Variants in DHDDS observed in about 807,000 individuals in gnomAD.
DHDDS encodes dehydrodolichyl diphosphate synthase subunit, also known as dehydrodolichyl diphosphate synthase complex subunit DHDDS.
A neutral mutation model predicts 46.2 loss-of-function variants in DHDDS; 16 were observed. The ratio of observed to expected loss-of-function variants is 0.35; its 90% CI spans 0.23 to 0.53. The LOEUF (loss-of-function observed/expected upper bound fraction) is 0.53, where lower values mean the gene tolerates loss of function less well. DHDDS is among the 20% of genes least tolerant of loss of function. The pLI, the probability that DHDDS is intolerant of heterozygous loss-of-function variation, is 0.94. For synonymous variants in DHDDS, 151 were observed against 163.1 expected, an observed-to-expected ratio of 0.93 and a Z score of 0.56; for missense variants, 340 against 423.7, an observed-to-expected ratio of 0.80 and a Z score of 1.73.
At chr1:26,454,837 G>C (rs779206122) in intron 6 of DHDDS, 1 of 1,583,646 alleles carries the variant, frequency 6.3e-7, no homozygotes, top group Non-Finnish European at 8.6e-7. Flanking sequence ...TGTTCACTTG[G>C]ATATGCTCAA....
At chr1:26,455,862 C>T (rs1419065240) in intron 6 of DHDDS, among the ~76,000 whole-genome samples, 1 of 152,158 alleles carries the variant, frequency 6.6e-6, no homozygotes, top group Non-Finnish European at 1.5e-5. Flanking sequence ...AAACATGTTC[C>T]CACCAAGAAA....
chr1:26,452,403 T>C (rs932981656), intron 6 of DHDDS, among the ~76,000 whole-genome samples: 1 of 152,174 alleles, frequency 6.6e-6, no homozygotes. Context: ...GTCTGGAAAT[T>C]ATAGAAGAAG....
chr1:26,458,728 A>G (rs1327714115), intron 7 of DHDDS, among the ~76,000 whole-genome samples: 1 of 135,246 alleles, frequency 7.4e-6, no homozygotes, highest in African/African-American at 2.8e-5. Flanking sequence ...ACAGAGTGAG[A>G]CTCTGTCGCA....
intron 4 of DHDDS, among the ~76,000 whole-genome samples, chr1:26,445,530 T>C (rs777500089): frequency 1.3e-5 from 2 of 151,992 alleles, no homozygotes; most frequent in Non-Finnish European, 2.9e-5. Flanking sequence ...TTGGGCAACA[T>C]AGTGAGACCT....
chr1:26,443,383 G>A (rs2124408360), intron 4 of DHDDS, among the ~76,000 whole-genome samples: 1 of 152,262 alleles, frequency 6.6e-6, no homozygotes, highest in East Asian at 1.9e-4. Flanking sequence ...AAAAGTTACT[G>A]TACTCCCCCT....
intron 2 of DHDDS, among the ~76,000 whole-genome samples, chr1:26,435,561 C>T (rs1029007284): frequency 6.6e-6 from 1 of 150,554 alleles, no homozygotes; most frequent in Non-Finnish European, 1.5e-5. Context: ...CTTCAGCCTC[C>T]TAAGTAGCTG....
chr1:26,467,317 G>T (rs932924161), intron 8 of DHDDS: 1 of 471,408 alleles, frequency 2.1e-6, no homozygotes, highest in Admixed American at 2.3e-5. Context: ...CCTGACCAAG[G>T]CCTGGAAGAA....
intron 3 of DHDDS, 98 bp downstream of exon 3, chr1:26,438,382 T>C (rs559078406): frequency 9.3e-7 from 1 of 1,080,782 alleles, no homozygotes; most frequent in South Asian, 1.3e-5. Flanking sequence ...GGAGAGTGTT[T>C]TTTGTATCTG....
At chr1:26,467,522 A>G (rs764644150) in intron 8 of DHDDS, 3 of 347,972 alleles carry the variant, frequency 8.6e-6, no homozygotes, top group Non-Finnish European at 1.9e-5. Context: ...GCTGAGAGAC[A>G]GCAAATCAGT....
intron 6 of DHDDS, among the ~76,000 whole-genome samples, chr1:26,449,469 C>T (rs1233292807): frequency 2.0e-5 from 3 of 151,514 alleles, no homozygotes; most frequent in Non-Finnish European, 4.4e-5. Flanking sequence ...GGTGTGATCT[C>T]GGCCCACTGT....
At chr1:26,445,094 CCAAA>C (rs1401908509) in intron 4 of DHDDS, among the ~76,000 whole-genome samples, 2 of 152,284 alleles carry the variant, frequency 1.3e-5, no homozygotes, top group South Asian at 2.1e-4. Flanking sequence ...CATCAGCTGT[CCAAA>C]CAAATTACCT....
chr1:26,449,104 T>G (rs2075295754), intron 6 of DHDDS, among the ~76,000 whole-genome samples: 1 of 151,874 alleles, frequency 6.6e-6, no homozygotes, highest in African/African-American at 2.4e-5. Flanking sequence ...ATTTTTTATT[T>G]TATTTATTTT....
At chr1:26,452,855 T>C (rs1490350843) in intron 6 of DHDDS, among the ~76,000 whole-genome samples, 1 of 152,150 alleles carries the variant, frequency 6.6e-6, no homozygotes, top group Non-Finnish European at 1.5e-5. Flanking sequence ...TCCCAGGACT[T>C]TGGGAGGCTG....
intron 6 of DHDDS, among the ~76,000 whole-genome samples, chr1:26,453,928 T>C (rs2075344977): frequency 6.6e-6 from 1 of 151,766 alleles, no homozygotes; most frequent in South Asian, 2.1e-4. Flanking sequence ...ATTTTGTCAG[T>C]TTCATCTTTC....
chr1:26,450,769 A>T (rs770982913), intron 6 of DHDDS, among the ~76,000 whole-genome samples: 4 of 152,252 alleles, frequency 2.6e-5, no homozygotes, highest in Non-Finnish European at 5.9e-5. Flanking sequence ...AGGCAGGAAG[A>T]TGAGACAGAA....
intron 6 of DHDDS, chr1:26,454,507 T>C (rs1320429247): frequency 1.9e-6 from 1 of 538,364 alleles, no homozygotes; most frequent in East Asian, 3.2e-5. Flanking sequence ...CACTTTATAG[T>C]TCCCAAAGTG....
At chr1:26,464,720 T>C (rs1318542234) in intron 8 of DHDDS, among the ~76,000 whole-genome samples, 2 of 152,224 alleles carry the variant, frequency 1.3e-5, no homozygotes, top group African/African-American at 4.8e-5. Context: ...ACCTGTTCCA[T>C]GCCCTCCAGT....
At chr1:26,457,232 G>GT (rs1315057574) in intron 6 of DHDDS, among the ~76,000 whole-genome samples, 1 of 151,648 alleles carries the variant, frequency 6.6e-6, no homozygotes, top group African/African-American at 2.4e-5. Flanking sequence ...GCCGAGGGGG[G>GT]GGCGGATCAC....
Position 26,443,050 on chromosome 1 carries a change from A to G in DHDDS, c.323+177A>G, listed in dbSNP as rs572203564. 25 of 644,210 alleles carry G rather than the reference A, an allele frequency of 3.9e-5. No individual in the cohort carries two copies. The African/African-American group carries it at 9.9e-4, about 25-fold the overall frequency. The allele number at this position is 644,210 out of a possible 1,614,324, so 39.9% of individuals were successfully genotyped here. ...AGATAGTCTTTCATTCTTTATTTCT[A>G]ACTTTTTAATAAAAAAGGGGGCATT... On this transcript the variant is annotated intron_variant, in intron 4 of 8. Coordinates refer to ENST00000236342, the MANE Select transcript of DHDDS (RefSeq NM_205861.3).
Sources: gnomAD v4.1 joint callset for allele counts (sites outside exome capture counted in the v4.1 genomes callset) on GRCh38, gnomAD v4.1.1 for gene constraint, MANE v1.5 for transcripts, NCBI Gene and HGNC (gene_info 2026-07-23, HGNC 2026-07-21) for gene names.